Variants in CRLF3 observed in about 807,000 individuals in gnomAD.
CRLF3 encodes the protein cytokine receptor-like factor 3.
A neutral mutation model predicts 55.0 loss-of-function variants in CRLF3; 33 were observed. The observed-to-expected ratio is 0.60, with a 90% confidence interval of 0.46 to 0.80. CRLF3 has a LOEUF of 0.80. Among genes scored for constraint, CRLF3 ranks in the 30% least tolerant of loss-of-function variants. The pLI, the probability that CRLF3 is intolerant of heterozygous loss-of-function variation, is 0.00. For synonymous variants in CRLF3, 238 were observed against 196.8 expected (o/e 1.21, Z -1.75); for missense variants, 494 against 538.4 (o/e 0.92, Z 0.82).
At position 30,823,085 on chromosome 17, in the gene CRLF3, C is replaced by A. The variant is rs576025439; in HGVS notation, c.129+1438G>T. Among the ~76,000 whole-genome samples, 10 of 150,796 alleles carry A rather than the reference C, an allele frequency of 6.6e-5. No homozygotes were observed. The East Asian group carries it at 1.9e-3, about 29-fold the overall frequency. On this transcript the variant is annotated intron_variant, in intron 1 of 7. Coordinates refer to ENST00000324238, the MANE Select transcript of CRLF3 (RefSeq NM_015986.4). The stretch of plus-strand genomic sequence containing the variant: ...ATATTTTTAAATATATAAAACCCGG[C>A]CGGGCGCGGTGGCTCACGTCTGTAT...
intron 1 of CRLF3, among the ~76,000 whole-genome samples, chr17:30,813,485 T>C (rs1904686883): frequency 6.6e-6 from 1 of 152,114 alleles, no homozygotes; most frequent in South Asian, 2.1e-4. Context: ...GTAGGAGACA[T>C]TTAAAGAATA....
At chr17:30,792,740 T>TTA (rs1387682713) in intron 5 of CRLF3, 168 bp from the exon 6 acceptor site, 1 of 483,840 alleles carries the variant, frequency 2.1e-6, no homozygotes, top group Non-Finnish European at 3.5e-6. Context: ...GTCCCACAAA[T>TTA]TACAAAAGAT....
chr17:30,789,438 T>C (rs1971735278), intron 6 of CRLF3, among the ~76,000 whole-genome samples: 1 of 152,064 alleles, frequency 6.6e-6, no homozygotes, highest in Admixed American at 6.6e-5. Context: ...TCAGATCAAG[T>C]GGTGAAAGGT....
intron 1 of CRLF3, among the ~76,000 whole-genome samples, chr17:30,816,288 A>G (rs1416586815): frequency 6.6e-6 from 1 of 151,856 alleles, no homozygotes; most frequent in East Asian, 1.9e-4. Flanking sequence ...TCTCAAAAAA[A>G]AAAAAAAAAG....
At chr17:30,802,303 G>C (rs1972018501) in intron 2 of CRLF3, among the ~76,000 whole-genome samples, 1 of 152,054 alleles carries the variant, frequency 6.6e-6, no homozygotes, top group Non-Finnish European at 1.5e-5. Context: ...TGTATTTTTA[G>C]TAGGGACGGG....
chr17:30,822,859 T>C (rs895074600), intron 1 of CRLF3, among the ~76,000 whole-genome samples: 2 of 152,204 alleles, frequency 1.3e-5, no homozygotes, highest in Admixed American at 6.6e-5. Context: ...AATATCTTTC[T>C]TTTCATACAA....
intron 2 of CRLF3, among the ~76,000 whole-genome samples, chr17:30,797,985 G>A (rs546595443): frequency 0.13 from 18,175 of 141,590 alleles, 1,193 homozygotes; most frequent in South Asian, 0.25. Flanking sequence ...TCACTATGTT[G>A]CCCAGGCTGG....
intron 1 of CRLF3, among the ~76,000 whole-genome samples, chr17:30,818,152 C>G (rs1391832358): frequency 6.6e-6 from 1 of 151,570 alleles, no homozygotes; most frequent in Non-Finnish European, 1.5e-5. Flanking sequence ...CCCAAGTACT[C>G]AGGAGGCTGA....
intron 2 of CRLF3, among the ~76,000 whole-genome samples, chr17:30,802,021 T>G (rs1427386512): frequency 6.6e-6 from 1 of 152,042 alleles, no homozygotes; most frequent in Non-Finnish European, 1.5e-5. Context: ...CAGACAAAGT[T>G]AAGAACTTCC....
chr17:30,789,668 ATAAC>A, intron 6 of CRLF3, among the ~76,000 whole-genome samples: 1 of 152,318 alleles, frequency 6.6e-6, no homozygotes, highest in African/African-American at 2.4e-5. Context: ...CCTAAAATAA[ATAAC>A]CCATCTATCT....
chr17:30,793,653 G>A lies in CRLF3; in HGVS notation c.623C>T (p.Ala208Val), dbSNP rs1017378271. ...ACGAAACTGGAGCCTGTAATCTTGGGCTGTAAAGTCATCATCCACCTAGGG... is the reference window on the plus strand; with the variant it reads ...ACGAAACTGGAGCCTGTAATCTTGGACTGTAAAGTCATCATCCACCTAGGG... ...RWCKVDDDFT[A>V]QDYRLQFRKC... The change falls in exon 5 of 8, where the codon GCC becomes GTC. Residue 208 changes from alanine to valine, a missense_variant. Ala to Val is a moderately conservative substitution (Grantham distance 64). Transcript: ENST00000324238. 6.2e-7 allele frequency: 1 copy of A among 1,613,012 alleles called. No individual in the cohort carries two copies. Among genetic ancestry groups the A allele is most frequent in the South Asian group, 1.1e-5 (1 of 91,058 alleles).
At chr17:30,787,837 C>CA (rs1396856080) in intron 6 of CRLF3, 1 of 151,756 alleles carries the variant, frequency 6.6e-6, no homozygotes, top group African/African-American at 2.4e-5. Flanking sequence ...CCCGTATCTA[C>CA]AAAAAATACA....
intron 6 of CRLF3, among the ~76,000 whole-genome samples, chr17:30,788,999 G>T (rs1728647160): frequency 6.6e-6 from 1 of 152,108 alleles, no homozygotes. Context: ...GATTCAAGTA[G>T]GCGCACTTGC....
chr17:30,811,803 CAAAAAAAAA>C (rs915710879), intron 1 of CRLF3, among the ~76,000 whole-genome samples: 12 of 27,754 alleles, frequency 4.3e-4, no homozygotes, highest in East Asian at 1.1e-3. Flanking sequence ...GACTCTGTCT[CAAAAAAAAA>C]AAAAAAAAAA....
chr17:30,812,327 G>C (rs1193997728), intron 1 of CRLF3, among the ~76,000 whole-genome samples: 1 of 152,026 alleles, frequency 6.6e-6, no homozygotes, highest in East Asian at 1.9e-4. Flanking sequence ...CTGTATGCCA[G>C]GTAAATCTGT....
chr17:30,823,500 A>G (rs1454414168), intron 1 of CRLF3, among the ~76,000 whole-genome samples: 1 of 151,278 alleles, frequency 6.6e-6, no homozygotes, highest in Non-Finnish European at 1.5e-5. Flanking sequence ...CTTTTCTACC[A>G]TTTTCAGGTT....
chr17:30,820,032 C>A (rs577846319), intron 1 of CRLF3, among the ~76,000 whole-genome samples: 158 of 152,240 alleles, frequency 1.0e-3, no homozygotes, highest in African/African-American at 3.6e-3. Flanking sequence ...CATCTTAGTA[C>A]CAAGGATTCC....
rs190652998 is a variant in CRLF3, at chr17:30,798,320, G to C, written c.338-922C>G. On this transcript the variant is annotated intron_variant, in intron 2 of 7. Coordinates refer to ENST00000324238, the MANE Select transcript of CRLF3 (RefSeq NM_015986.4). ...TTGAATCCGGGACATGGAGGTTGCA[G>C]TGAGCCGAGATCACGCCACTGCACT... Among the ~76,000 whole-genome samples, 79 of 152,148 alleles carry C rather than the reference G, an allele frequency of 5.2e-4. 1 individual carries two copies. Among genetic ancestry groups the C allele is most frequent in the African/African-American group, 1.7e-3 (72 of 41,516 alleles).
At position 30,823,292 on chromosome 17, in the gene CRLF3, G is replaced by C. The variant is rs187396602; in HGVS notation, c.129+1231C>G. Among the ~76,000 whole-genome samples, 1,316 of 151,892 alleles carry C rather than the reference G, an allele frequency of 8.7e-3. 19 individuals carry two copies. The highest frequency in any genetic ancestry group is 0.03 in the African/African-American group (1,239 of 41,404). ...CAGGAGAATCGCTTGAACCCGGGAG[G>C]CGGAGGTTGTTGCAGTGAGCCGAGA... On this transcript the variant is annotated intron_variant, in intron 1 of 7. Coordinates refer to ENST00000324238, the MANE Select transcript of CRLF3 (RefSeq NM_015986.4).
Sources: allele counts gnomAD v4.1 joint callset (sites outside exome capture counted in the v4.1 genomes callset), GRCh38; gene constraint gnomAD v4.1.1; transcripts MANE v1.5; gene names NCBI Gene and HGNC (gene_info 2026-07-23, HGNC 2026-07-21).